ABTB3: variants seen among roughly 807,000 people sequenced by gnomAD.
The protein encoded by ABTB3 is ankyrin repeat and BTB domain containing 3.
chr12:107,337,601 A>G, the ABTB3 span, among the ~76,000 whole-genome samples: 3 of 152,344 alleles, frequency 2.0e-5, no homozygotes, highest in East Asian at 5.8e-4. Flanking sequence ...AGAGAGGCTA[A>G]CAGATACTCA....
chr12:107,554,953 T>C, the ABTB3 span, among the ~76,000 whole-genome samples: 2 of 152,146 alleles, frequency 1.3e-5, no homozygotes, highest in Non-Finnish European at 2.9e-5. Flanking sequence ...TCCTCAGACT[T>C]TGGGGGCTGG....
At chr12:107,651,076 C>T in the ABTB3 span, among the ~76,000 whole-genome samples, 1 of 152,084 alleles carries the variant, frequency 6.6e-6, no homozygotes, top group East Asian at 1.9e-4. Flanking sequence ...TCCCAAAAGC[C>T]TGTCGTTCTC....
At chr12:107,445,086 A>G in the ABTB3 span, among the ~76,000 whole-genome samples, 1 of 152,212 alleles carries the variant, frequency 6.6e-6, no homozygotes, top group African/African-American at 2.4e-5. Context: ...TCCTTAAATT[A>G]GCTCCGCTGC....
the ABTB3 span, among the ~76,000 whole-genome samples, chr12:107,421,131 A>G: frequency 4.6e-5 from 7 of 152,338 alleles, no homozygotes; most frequent in Non-Finnish European, 7.3e-5. Context: ...TTTGTCTCCA[A>G]GAGAAGGTGC....
At chr12:107,425,191 C>T in the ABTB3 span, among the ~76,000 whole-genome samples, 26 of 152,172 alleles carry the variant, frequency 1.7e-4, no homozygotes, top group African/African-American at 5.3e-4. Flanking sequence ...TGCTTCCATG[C>T]GTTTGCCAAT....
chr12:107,519,008 T>A, the ABTB3 span, among the ~76,000 whole-genome samples: 1 of 152,244 alleles, frequency 6.6e-6, no homozygotes, highest in East Asian at 1.9e-4. Flanking sequence ...CCTCACTATA[T>A]CCTCAACCCC....
the ABTB3 span, chr12:107,634,741 C>T: frequency 6.6e-6 from 1 of 152,156 alleles, no homozygotes; most frequent in Admixed American, 6.5e-5. Context: ...TCCCTCCCAC[C>T]TTTTGTTTGG....
the ABTB3 span, among the ~76,000 whole-genome samples, chr12:107,375,254 T>A: frequency 1.4e-4 from 21 of 152,180 alleles, no homozygotes; most frequent in South Asian, 2.1e-3. Flanking sequence ...TTGTCTCTAC[T>A]AAAAATACAA....
At chr12:107,537,694 T>G in the ABTB3 span, among the ~76,000 whole-genome samples, 1 of 152,104 alleles carries the variant, frequency 6.6e-6, no homozygotes, top group Non-Finnish European at 1.5e-5. Flanking sequence ...CCCACACCCT[T>G]CAAACTACTT....
At chr12:107,567,499 A>G in the ABTB3 span, among the ~76,000 whole-genome samples, 1 of 152,208 alleles carries the variant, frequency 6.6e-6, no homozygotes, top group Non-Finnish European at 1.5e-5. Flanking sequence ...AGCTGCCTAT[A>G]GTATTCAGTA....
chr12:107,476,403 G>A, the ABTB3 span, among the ~76,000 whole-genome samples: 1 of 152,062 alleles, frequency 6.6e-6, no homozygotes, highest in South Asian at 2.1e-4. Flanking sequence ...TTCACCTTGC[G>A]GTATTAGGAG....
chr12:107,553,054 T>C, the ABTB3 span, among the ~76,000 whole-genome samples: 4 of 152,196 alleles, frequency 2.6e-5, no homozygotes, highest in Admixed American at 6.5e-5. Context: ...ACCTCAAGGC[T>C]TCAGTTTCTT....
chr12:107,456,302 G>A, the ABTB3 span, among the ~76,000 whole-genome samples: 1 of 152,182 alleles, frequency 6.6e-6, no homozygotes, highest in Non-Finnish European at 1.5e-5. Context: ...TAGGAACTGG[G>A]CCGCATAGCA....
the ABTB3 span, among the ~76,000 whole-genome samples, chr12:107,548,855 T>G: frequency 3.3e-5 from 5 of 152,292 alleles, no homozygotes; most frequent in East Asian, 9.6e-4. Flanking sequence ...TACATGTCTT[T>G]GGCCATGGAT....
At chr12:107,458,314 G>A in the ABTB3 span, among the ~76,000 whole-genome samples, 3 of 152,202 alleles carry the variant, frequency 2.0e-5, no homozygotes, top group Non-Finnish European at 2.9e-5. Flanking sequence ...CAGAAGTTAA[G>A]TGACTTGCAT....
the ABTB3 span, among the ~76,000 whole-genome samples, chr12:107,372,944 T>C: frequency 6.6e-6 from 1 of 152,198 alleles, no homozygotes; most frequent in Non-Finnish European, 1.5e-5. Flanking sequence ...CTCAACACCA[T>C]TGGCATTTTG....
the ABTB3 span, among the ~76,000 whole-genome samples, chr12:107,627,773 G>C: frequency 3.0e-4 from 45 of 152,258 alleles, no homozygotes; most frequent in East Asian, 7.1e-3. Flanking sequence ...TCTGAATCCT[G>C]CTATCAGAAT....
the ABTB3 span, among the ~76,000 whole-genome samples, chr12:107,357,750 G>A: frequency 2.0e-5 from 3 of 152,306 alleles, no homozygotes; most frequent in South Asian, 2.1e-4. Flanking sequence ...GTGGCACCAC[G>A]TGGGCTGCAT....
chr12:107,352,958 G>T, the ABTB3 span, among the ~76,000 whole-genome samples: 1 of 152,182 alleles, frequency 6.6e-6, no homozygotes, highest in Non-Finnish European at 1.5e-5. Flanking sequence ...GAAGAACACT[G>T]TGGAGAGGGT....
Sources: gnomAD v4.1 joint callset for allele counts (sites outside exome capture counted in the v4.1 genomes callset) on GRCh38, gnomAD v4.1.1 for gene constraint, MANE v1.5 for transcripts, NCBI Gene and HGNC (gene_info 2026-07-23, HGNC 2026-07-21) for gene names.